Variants in DMD observed in about 807,000 individuals in gnomAD.
The protein encoded by DMD is dystrophin.
DMD carries 63 observed loss-of-function variants against 330.1 expected under a neutral mutation model. The observed-to-expected ratio is 0.19, with a 90% CI of 0.16 to 0.24. DMD has a LOEUF of 0.24. Among genes scored for constraint, DMD ranks in the 10% least tolerant of loss-of-function variants. The pLI is 1.00. For synonymous variants in DMD, 1,223 were observed against 959.8 expected (o/e 1.27, Z -5.07); for missense variants, 3,344 against 2,684.1 (o/e 1.25, Z -5.43).
In DMD at chrX:33,049,799, C is replaced by G. The variant is rs545827439; in HGVS notation, c.32-29599G>C. ...TACGAAGCAATAGGGTCAACATGAA[C>G]TTGGATACTTCTGTTAAGTTCACTT... On this transcript the variant is annotated intron_variant, in intron 1 of 78. Transcript: ENST00000357033. Among the ~76,000 whole-genome samples the G allele has an allele frequency of 2.7e-5, 3 of 111,431 alleles. No homozygotes were observed. The South Asian group carries it at 1.1e-3, about 41-fold the overall frequency.
intron 67 of DMD, among the ~76,000 whole-genome samples, chrX:31,195,677 T>C (rs5927698): frequency 0.1 from 10,906 of 106,405 alleles, 580 homozygotes; most frequent in East Asian, 0.27. Context: ...GATGGAATTT[T>C]AGGGGTGATA....
intron 25 of DMD, among the ~76,000 whole-genome samples, chrX:32,459,575 A>G (rs1162053999): frequency 9.0e-6 from 1 of 111,464 alleles, no homozygotes; most frequent in African/African-American, 3.3e-5. Context: ...AAATATGGCT[A>G]AGATGGAACC....
intron 7 of DMD, among the ~76,000 whole-genome samples, chrX:32,727,427 G>A (rs1569492677): frequency 1.8e-5 from 2 of 110,955 alleles, no homozygotes; most frequent in Non-Finnish European, 1.9e-5. Flanking sequence ...TAATGTTCAA[G>A]CAACTGACTA....
chrX:32,394,916 C>CAAAACAAA (rs2098030291), intron 30 of DMD, among the ~76,000 whole-genome samples: 1 of 39,030 alleles, frequency 2.6e-5, no homozygotes, highest in Non-Finnish European at 5.0e-5. Context: ...AACAAAAAAA[C>CAAAACAAA]AAAAAAAAAA....
chrX:32,775,537 G>A (rs1459489479), intron 7 of DMD, among the ~76,000 whole-genome samples: 1 of 113,280 alleles, frequency 8.8e-6, no homozygotes, highest in Non-Finnish European at 1.9e-5. Flanking sequence ...CCACATGGAA[G>A]CTGCCAAGGC....
chrX:31,408,140 C>A (rs16998183), intron 60 of DMD, among the ~76,000 whole-genome samples: 2,189 of 111,642 alleles, frequency 0.02, 67 homozygotes, highest in African/African-American at 0.068. Flanking sequence ...TTAGTCCAGC[C>A]CTGTTGTTTC....
chrX:32,638,763 C>G (rs758106478), intron 11 of DMD, among the ~76,000 whole-genome samples: 1 of 111,714 alleles, frequency 9.0e-6, no homozygotes, highest in East Asian at 2.8e-4. Flanking sequence ...TTCATCTATT[C>G]ATTCATATAT....
At chrX:31,203,895 G>T in intron 67 of DMD, 66 bp downstream of exon 67, 1 of 1,031,010 alleles carries the variant, frequency 9.7e-7, no homozygotes, top group Non-Finnish European at 1.4e-6. Flanking sequence ...GAAGCTCTGT[G>T]GGTTTTTTAA....
chrX:32,377,437 C>T (rs1039284788), intron 34 of DMD, among the ~76,000 whole-genome samples: 3 of 111,594 alleles, frequency 2.7e-5, no homozygotes, highest in African/African-American at 9.8e-5. Context: ...TTCAATTATG[C>T]TTGGCACGAA....
intron 43 of DMD, among the ~76,000 whole-genome samples, chrX:32,252,853 T>TATATATAA (rs1336636384): frequency 2.8e-5 from 2 of 71,907 alleles, no homozygotes; most frequent in Non-Finnish European, 4.8e-5. Flanking sequence ...AATATATAAA[T>TATATATAA]ATATATAAAT....
intron 55 of DMD, among the ~76,000 whole-genome samples, chrX:31,510,074 G>T (rs1453700147): frequency 8.9e-6 from 1 of 112,039 alleles, no homozygotes; most frequent in African/African-American, 3.2e-5. Flanking sequence ...TGGTGATACA[G>T]AGCTGTAAAT....
At chrX:32,372,685 A>G (rs1351202756) in intron 34 of DMD, among the ~76,000 whole-genome samples, 23 of 111,363 alleles carry the variant, frequency 2.1e-4, no homozygotes, top group Non-Finnish European at 9.4e-5. Context: ...CCTCTTTAAT[A>G]CTACTCTGAT....
intron 55 of DMD, among the ~76,000 whole-genome samples, chrX:31,566,722 T>G (rs1165482219): frequency 8.9e-6 from 1 of 111,921 alleles, no homozygotes; most frequent in Non-Finnish European, 1.9e-5. Flanking sequence ...ACTCTTCCAG[T>G]CTATAAACAT....
intron 7 of DMD, among the ~76,000 whole-genome samples, chrX:32,737,791 A>C (rs1484830870): frequency 8.9e-6 from 1 of 111,868 alleles, no homozygotes; most frequent in East Asian, 2.8e-4. Context: ...TCAATAGTAC[A>C]TGAATGAGTA....
chrX:32,085,608 A>ATATATATACG (rs2096428154), intron 44 of DMD, among the ~76,000 whole-genome samples: 2 of 95,179 alleles, frequency 2.1e-5, no homozygotes, highest in African/African-American at 8.2e-5. Context: ...ATATATGTGT[A>ATATATATACG]TATATATACG....
chrX:31,443,694 G>C (rs965447967), intron 60 of DMD, among the ~76,000 whole-genome samples: 3 of 110,726 alleles, frequency 2.7e-5, no homozygotes, highest in Non-Finnish European at 3.8e-5. Flanking sequence ...ATGTAAGTTT[G>C]TGATAGGATG....
chrX:31,516,272 CA>C (rs1351691140), intron 55 of DMD, among the ~76,000 whole-genome samples: 4 of 73,807 alleles, frequency 5.4e-5, no homozygotes, highest in Non-Finnish European at 1.1e-4. Context: ...GGAATTAAAA[CA>C]AGCGCAAAAA....
At chrX:31,897,911 G>C (rs1269823613) in intron 47 of DMD, among the ~76,000 whole-genome samples, 5 of 110,826 alleles carry the variant, frequency 4.5e-5, no homozygotes, top group Non-Finnish European at 9.5e-5. Flanking sequence ...TTGCTGTGCA[G>C]AAGCTCCTTA....
intron 60 of DMD, among the ~76,000 whole-genome samples, chrX:31,368,645 C>T (rs1452467647): frequency 1.8e-5 from 2 of 108,710 alleles, no homozygotes; most frequent in African/African-American, 3.3e-5. Flanking sequence ...CACCCAGGTC[C>T]CCCCGCCCTT....
Sources: allele counts gnomAD v4.1 joint callset (sites outside exome capture counted in the v4.1 genomes callset), GRCh38; gene constraint gnomAD v4.1.1; transcripts MANE v1.5; gene names NCBI Gene and HGNC (gene_info 2026-07-23, HGNC 2026-07-21).